OAS2: variants seen among roughly 807,000 people sequenced by gnomAD.
The protein encoded by OAS2 is 2'-5'-oligoadenylate synthetase 2, also known as 2'-5'-oligoadenylate synthase 2.
OAS2 carries 67 observed loss-of-function variants against 71.3 expected under a neutral mutation model. The observed-to-expected ratio is 0.94, with a 90% CI of 0.77 to 1.15. The LOEUF is 1.15. Ranked by LOEUF, OAS2 falls within the 50% of genes most tolerant of loss-of-function variation. The pLI, the probability that OAS2 is intolerant of heterozygous loss-of-function variation, is 0.00. For missense variants in OAS2, 789 were observed against 822.5 expected (o/e 0.96, Z 0.50); for synonymous variants, 327 against 321.8 (o/e 1.02, Z -0.17).
In OAS2 at chr12:113,010,440, A is replaced by C; in HGVS notation, c.*1185A>C. ...TATTGTCAATGAGATGTTCTCATCC[A>C]GAAGCCATAGAATCCTGAATAATAA... On this transcript the variant is annotated 3_prime_UTR_variant, in exon 10 of 10. Transcript: ENST00000392583. The C allele has an allele frequency of 3.1e-6, 5 of 1,614,030 alleles. No individual in the cohort carries two copies. The highest frequency in any genetic ancestry group is 3.4e-6 in the Non-Finnish European group (4 of 1,179,956).
rs2044361436 is a variant in OAS2, at chr12:113,009,394, G to A, written c.*139G>A. 2 of 1,488,576 alleles carry A rather than the reference G, an allele frequency of 1.3e-6. No individual in the cohort carries two copies. Among genetic ancestry groups the A allele is most frequent in the Non-Finnish European group, 1.8e-6 (2 of 1,124,602 alleles). 92.2% of individuals were successfully genotyped at this position (1,488,576 alleles called of 1,614,324 possible). A position where few individuals can be genotyped will look rare whatever the true frequency, so the allele number is the denominator to read the frequency against. ...CTTAAACAGCTGGTCAGCCCCCTAA[G>A]CCCCCACTACAAGTGATCCTCAGGC... On this transcript the variant is annotated 3_prime_UTR_variant, in exon 10 of 10. Transcript: ENST00000392583.
intron 2 of OAS2, chr12:112,988,497 T>C: frequency 1.7e-6 from 1 of 576,746 alleles, no homozygotes; most frequent in Non-Finnish European, 2.2e-6. Flanking sequence ...CGAAACTCAG[T>C]GATTGGCACA....
At chr12:113,000,462 T>C (rs77445506) in intron 5 of OAS2, among the ~76,000 whole-genome samples, 11,358 of 149,272 alleles carry the variant, frequency 0.076, 491 homozygotes, top group Middle Eastern at 0.12. Flanking sequence ...GGTCCAAACA[T>C]TGGGGGCTCA....
Position 113,010,022 on chromosome 12 carries a change from A to G in OAS2, c.*767A>G, listed in dbSNP as rs886604112. The G allele has an allele frequency of 8.2e-6, 8 of 971,408 alleles. No homozygotes were observed. In the African/African-American group the frequency reaches 1.4e-4, roughly 17 times the overall value. 60.2% of individuals were successfully genotyped at this position (971,408 alleles called of 1,614,324 possible). On this transcript the variant is annotated 3_prime_UTR_variant, in exon 10 of 10. Transcript: ENST00000392583. ...TCTTTGTTTGGAGGCTCTCTTGTGC[A>G]TTGTAGGATGTTGAGCAGCATCTCT...
chr12:112,999,120 T>A (rs1377901959), intron 5 of OAS2, among the ~76,000 whole-genome samples: 1 of 152,210 alleles, frequency 6.6e-6, no homozygotes, highest in Non-Finnish European at 1.5e-5. Flanking sequence ...CAGTCAGGCC[T>A]GTGGATGCCA....
Position 113,009,444 on chromosome 12 carries a change from T to C in OAS2, c.*189T>C. On this transcript the variant is annotated 3_prime_UTR_variant, in exon 10 of 10. Transcript: ENST00000392583. Reference sequence around the variant, plus strand: ...CAGGTAACCCCAGATTCATGCACTGTAGGGTGCTGCGCAGCATCCCTAGTC... The same window carrying C: ...CAGGTAACCCCAGATTCATGCACTGCAGGGTGCTGCGCAGCATCCCTAGTC... The C allele has an allele frequency of 2.1e-6, 3 of 1,417,404 alleles. No homozygotes were observed. The highest frequency in any genetic ancestry group is 1.5e-5 in the South Asian group (1 of 65,706). 87.8% of individuals were successfully genotyped at this position (1,417,404 alleles called of 1,614,324 possible).
chr12:113,006,638 T>C (rs1440239412), intron 8 of OAS2, 38 bp downstream of exon 8: 1 of 1,470,276 alleles, frequency 6.8e-7, no homozygotes, highest in Admixed American at 2.0e-5. Flanking sequence ...GGGTTATTAT[T>C]TTTACCAGTA....
intron 2 of OAS2, chr12:112,987,858 C>T: frequency 1.0e-6 from 1 of 986,240 alleles, no homozygotes. Context: ...TGCCTTGAAC[C>T]CAACTCCTAA....
chr12:113,009,702 G>A lies in OAS2; in HGVS notation c.*447G>A. On this transcript the variant is annotated 3_prime_UTR_variant, in exon 10 of 10. Coordinates refer to ENST00000392583, the MANE Select transcript of OAS2 (RefSeq NM_002535.3). Reference sequence around the variant, plus strand: ...AAGATACCCAAAGGTCAAGAACACAGTGATTTTATTAGAAGTTTCATCCGC... The same window carrying A: ...AAGATACCCAAAGGTCAAGAACACAATGATTTTATTAGAAGTTTCATCCGC... 1.0e-6 allele frequency: 1 copy of A among 987,630 alleles called. No homozygotes were observed. The highest frequency in any genetic ancestry group is 1.2e-6 in the Non-Finnish European group (1 of 831,586). The allele number at this position is 987,630 out of a possible 1,614,324, so 61.2% of individuals were successfully genotyped here.
rs1332124303 is a variant in OAS2, at chr12:113,010,789, C to T, written c.*1534C>T. ...TTCCTTCCAGTCTAAAAAAGGAATC[C>T]TCTGTGTCTTCAAAGCAAAGCTCTT... On this transcript the variant is annotated 3_prime_UTR_variant, in exon 10 of 10. Coordinates refer to ENST00000392583, the MANE Select transcript of OAS2 (RefSeq NM_002535.3). 1.5e-5 allele frequency: 3 copies of T among 203,526 alleles called. No individual in the cohort carries two copies. Among genetic ancestry groups the T allele is most frequent in the Non-Finnish European group, 3.0e-5 (3 of 101,170 alleles). The allele number at this position is 203,526 out of a possible 1,614,324, so 12.6% of individuals were successfully genotyped here.
chr12:113,006,541 C>T lies in OAS2; in HGVS notation c.1597C>T (p.Arg533Cys), dbSNP rs777964879. ...CFTVLQRNFIRSRPTKLKDLI... is the reference protein window; with the variant it reads ...CFTVLQRNFICSRPTKLKDLI... Reference sequence around the variant, plus strand: ...CACAGTCCTGCAGCGAAACTTCATTCGCTCCCGGCCCACCAAACTAAAGGA... The same window carrying T: ...CACAGTCCTGCAGCGAAACTTCATTTGCTCCCGGCCCACCAAACTAAAGGA... The change falls in exon 8 of 10, where the codon CGC becomes TGC. Residue 533 changes from arginine (R) to cysteine (C), a missense_variant. By Grantham distance (180) the Arg-to-Cys change is radical (BLOSUM62 -3). Transcript: ENST00000392583. 26 of 1,612,740 alleles carry T rather than the reference C, an allele frequency of 1.6e-5. No homozygotes were observed. In the East Asian group the frequency reaches 1.8e-4, roughly 11 times the overall value.
At chr12:112,998,546 T>A in intron 5 of OAS2, 136 bp downstream of exon 5, 1 of 970,098 alleles carries the variant, frequency 1.0e-6, no homozygotes, top group Non-Finnish European at 1.5e-6. Flanking sequence ...ACAGATGGCT[T>A]AAAGCCACAG....
Position 113,009,395 on chromosome 12 carries a change from C to T in OAS2, c.*140C>T. ...TTAAACAGCTGGTCAGCCCCCTAAGCCCCCACTACAAGTGATCCTCAGGCA... is the reference window on the plus strand; with the variant it reads ...TTAAACAGCTGGTCAGCCCCCTAAGTCCCCACTACAAGTGATCCTCAGGCA... On this transcript the variant is annotated 3_prime_UTR_variant, in exon 10 of 10. Coordinates refer to ENST00000392583, the MANE Select transcript of OAS2 (RefSeq NM_002535.3). The T allele has an allele frequency of 2.3e-6, 2 of 858,342 alleles. No individual in the cohort carries two copies. Among genetic ancestry groups the T allele is most frequent in the Non-Finnish European group, 1.5e-6 (1 of 665,702 alleles). The allele number at this position is 858,342 out of a possible 1,614,324, so 53.2% of individuals were successfully genotyped here.
Position 112,978,817 on chromosome 12 carries a change from A to C in OAS2, c.177+32A>C, listed in dbSNP as rs1249442673. ...CCAGGGCTGAGGTTGGGTCTCTGGG[A>C]GGCAGGAGATTCCACGGCGGCAGCA... On this transcript the variant is annotated intron_variant, in intron 1 of 9. Transcript: ENST00000392583. This position sits in a 1 kb window ranked among gnomAD's most constrained non-coding sequence, Gnocchi z 4.2. 6.3e-7 allele frequency: 1 copy of C among 1,579,318 alleles called. No homozygotes were observed. The highest frequency in any genetic ancestry group is 8.6e-7 in the Non-Finnish European group (1 of 1,160,782).
chr12:112,978,576 A>G lies in OAS2; in HGVS notation c.-33A>G. 6 of 1,612,050 alleles carry G rather than the reference A, an allele frequency of 3.7e-6. No individual in the cohort carries two copies. The highest frequency in any genetic ancestry group is 3.3e-5 in the South Asian group (3 of 90,876). ...GAATTCCTCTGCCTCCCATCCTACC[A>G]TTCACTGTCTTGCCGGCAGCCAGCT... is the stretch of plus-strand genomic sequence containing the variant. On this transcript the variant is annotated 5_prime_UTR_variant, in exon 1 of 10. Coordinates refer to ENST00000392583, the MANE Select transcript of OAS2 (RefSeq NM_002535.3). The surrounding 1 kb of genome is among the most constrained non-coding windows in gnomAD (Gnocchi z 4.2).
chr12:113,001,353 T>A (rs894135434), intron 5 of OAS2, among the ~76,000 whole-genome samples: 3 of 136,180 alleles, frequency 2.2e-5, no homozygotes, highest in African/African-American at 2.9e-5. Flanking sequence ...AACCAAAAAA[T>A]ATATATATAC....
In OAS2 at chr12:112,996,846, T is replaced by C. The variant is rs184028387; in HGVS notation, c.628-674T>C. 3.8e-4 allele frequency among the ~76,000 whole-genome samples: 58 copies of C among 152,278 alleles called. No homozygotes were observed. In the Middle Eastern group the frequency reaches 0.01, roughly 27 times the overall value. On this transcript the variant is annotated intron_variant, in intron 3 of 9. Transcript: ENST00000392583. ...GATGGGTGAAATGGGCGAAGCTTTA[T>C]CTAAAAATTTCAGATCAGCAGAAGG...
At chr12:112,980,315 C>T (rs2044068071) in intron 1 of OAS2, among the ~76,000 whole-genome samples, 2 of 152,132 alleles carry the variant, frequency 1.3e-5, no homozygotes, top group Non-Finnish European at 2.9e-5. Context: ...TAACTATAGT[C>T]ACCCCATTGT....
At position 113,007,961 on chromosome 12, in the gene OAS2, C is replaced by T. The variant is rs753297900; in HGVS notation, c.1895+18C>T. ...AAAACCAGGTGCCTTCACCCTAGCC[C>T]CGTACTTTTCTTAACCTGATTCCCT... On this transcript the variant is annotated intron_variant, in intron 9 of 9. Transcript: ENST00000392583. 1.3e-6 allele frequency: 2 copies of T among 1,573,036 alleles called. No homozygotes were observed. The highest frequency in any genetic ancestry group is 1.7e-6 in the Non-Finnish European group (2 of 1,142,894).
Sources: allele counts gnomAD v4.1 joint callset (sites outside exome capture counted in the v4.1 genomes callset), GRCh38; gene constraint gnomAD v4.1.1; non-coding constraint Gnocchi (gnomAD v3.1); transcripts MANE v1.5; gene names NCBI Gene and HGNC (gene_info 2026-07-23, HGNC 2026-07-21).